ASB4: variants seen among roughly 807,000 people sequenced by gnomAD.
ASB4 encodes ankyrin repeat and SOCS box protein 4.
In ASB4, 35 loss-of-function variants were observed where a neutral mutation model predicts 38.6. That is an observed-to-expected ratio of 0.91 (90% CI 0.69 to 1.20). The LOEUF is 1.20. Ranked by LOEUF, ASB4 falls within the 50% of genes most tolerant of loss-of-function variation. The pLI, the probability that ASB4 is intolerant of heterozygous loss-of-function variation, is 0.00. For missense variants in ASB4, 557 were observed against 527.2 expected (o/e 1.06, Z -0.55); for synonymous variants, 195 against 201.3 (o/e 0.97, Z 0.26).
chr7:95,551,008 C>T, the ASB4 span, among the ~76,000 whole-genome samples: 1 of 152,142 alleles, frequency 6.6e-6, no homozygotes, highest in Admixed American at 6.5e-5. Flanking sequence ...AAATAAAAGT[C>T]TCGCTTTTGT....
At chr7:95,472,256 A>G in the ASB4 span, among the ~76,000 whole-genome samples, 2 of 152,178 alleles carry the variant, frequency 1.3e-5, no homozygotes, top group Non-Finnish European at 2.9e-5. Flanking sequence ...TGAAAGTGCC[A>G]TTTTTCAATG....
chr7:95,539,572 GT>G lies in ASB4; in HGVS notation c.*1814del, dbSNP rs1308124108. On this transcript the variant is annotated 3_prime_UTR_variant, in exon 5 of 5. Transcript: ENST00000325885. ...ACATCCTAAAACAGAATGAAATGAT[GT>G]CTTTTGCAGCAACTTGGATGGAGCT... 5.5e-4 allele frequency: 87 copies of G among 158,126 alleles called. 1 individual carries two copies. The highest frequency in any genetic ancestry group is 2.0e-3 in the African/African-American group (83 of 41,714). 9.8% of individuals were successfully genotyped at this position (158,126 alleles called of 1,614,324 possible).
intron 2 of ASB4, among the ~76,000 whole-genome samples, chr7:95,500,908 A>G (rs1323097996): frequency 6.6e-6 from 1 of 152,174 alleles, no homozygotes; most frequent in Non-Finnish European, 1.5e-5. Context: ...CCACTTAGGA[A>G]GGAAGCTACA....
intron 1 of ASB4, among the ~76,000 whole-genome samples, chr7:95,491,801 A>G (rs972345107): frequency 2.6e-5 from 4 of 152,316 alleles, no homozygotes; most frequent in African/African-American, 7.2e-5. Flanking sequence ...CTTGCTACAC[A>G]GTGACCTGTA....
At chr7:95,472,141 C>G in the ASB4 span, 1 of 152,044 alleles carries the variant, frequency 6.6e-6, no homozygotes, top group Admixed American at 6.6e-5. Flanking sequence ...TAGCTCATGC[C>G]ATTTTGATTA....
intron 1 of ASB4, among the ~76,000 whole-genome samples, chr7:95,488,744 C>T (rs1585794471): frequency 1.3e-5 from 2 of 152,148 alleles, no homozygotes; most frequent in East Asian, 3.9e-4. Flanking sequence ...CGCAAAAGTG[C>T]ATAAATAAGT....
At chr7:95,545,955 C>G in the ASB4 span, among the ~76,000 whole-genome samples, 1 of 152,190 alleles carries the variant, frequency 6.6e-6, no homozygotes, top group Admixed American at 6.5e-5. Context: ...TTGCTCCCTT[C>G]TGGAAAATCA....
At chr7:95,549,486 A>T in the ASB4 span, among the ~76,000 whole-genome samples, 1 of 151,576 alleles carries the variant, frequency 6.6e-6, no homozygotes, top group Non-Finnish European at 1.5e-5. Flanking sequence ...TTTAGTAGAG[A>T]CAGGGTTTCA....
At chr7:95,530,679 G>A (rs1790808566) in intron 3 of ASB4, among the ~76,000 whole-genome samples, 5 of 152,176 alleles carry the variant, frequency 3.3e-5, no homozygotes, top group Admixed American at 3.3e-4. Context: ...GTTGTTTGCA[G>A]ACCATATATG....
chr7:95,495,927 T>C lies in ASB4; in HGVS notation c.357T>C (p.Asn119=), dbSNP rs779517506. 8.1e-6 allele frequency: 13 copies of C among 1,614,010 alleles called. No homozygotes were observed. The highest frequency in any genetic ancestry group is 1.1e-5 in the Non-Finnish European group (13 of 1,180,030). ...TPLHVACEMA[N]VDCVKILCDR... is the part of the protein sequence containing the mutation. ...TTCACGTGGCTTGTGAAATGGCCAA[T>C]GTGGATTGTGTTAAGATCCTCTGTG... The change falls in exon 2 of 5, where the codon AAT becomes AAC. Residue 119 remains asparagine (N), a synonymous_variant. Transcript: ENST00000325885.
chr7:95,515,827 C>T lies in ASB4; in HGVS notation c.488-11986C>T, dbSNP rs141853071. Among the ~76,000 whole-genome samples the T allele has an allele frequency of 2.8e-3, 423 of 152,340 alleles. 1 individual carries two copies. Among genetic ancestry groups the T allele is most frequent in the South Asian group, 7.9e-3 (38 of 4,830 alleles). ...TGCTGGCTGCTCCAGAGATGGGCAC[C>T]ATCACCCTTGCTTTTGCTGCTGTTG... On this transcript the variant is annotated intron_variant, in intron 2 of 4. Transcript: ENST00000325885.
intron 2 of ASB4, among the ~76,000 whole-genome samples, chr7:95,513,490 TCGTTCTATGAAGAC>T (rs1227307927): frequency 5.3e-5 from 8 of 152,230 alleles, no homozygotes; most frequent in African/African-American, 1.9e-4. Flanking sequence ...AGGTTAGTCT[TCGTTCTATGAAGAC>T]TTTCAATGGA....
chr7:95,547,941 A>T, the ASB4 span, among the ~76,000 whole-genome samples: 1 of 152,204 alleles, frequency 6.6e-6, no homozygotes, highest in Non-Finnish European at 1.5e-5. Flanking sequence ...CCAATCTCTT[A>T]ACATATTTTT....
chr7:95,528,691 C>T (rs1247709720), intron 3 of ASB4: 1 of 1,089,528 alleles, frequency 9.2e-7, no homozygotes, highest in Non-Finnish European at 1.1e-6. Flanking sequence ...TTGAAATTAG[C>T]TTGTAGCCAT....
intron 1 of ASB4, 81 bp downstream of exon 1, chr7:95,486,239 A>AATAAAAACTACT: frequency 9.3e-7 from 1 of 1,074,168 alleles, no homozygotes; most frequent in Non-Finnish European, 1.3e-6. Context: ...CACTCTAAAC[A>AATAAAAACTACT]GTAGTTTTTA....
At chr7:95,506,619 T>C (rs1466821699) in intron 2 of ASB4, among the ~76,000 whole-genome samples, 2 of 152,152 alleles carry the variant, frequency 1.3e-5, no homozygotes, top group Non-Finnish European at 2.9e-5. Context: ...AGCTGGAAAA[T>C]TGAAAGCCAT....
the ASB4 span, among the ~76,000 whole-genome samples, chr7:95,549,062 A>G: frequency 6.6e-6 from 1 of 152,118 alleles, no homozygotes; most frequent in African/African-American, 2.4e-5. Context: ...CCTGTTTCTT[A>G]TGACAAAATT....
chr7:95,496,086 T>C, intron 2 of ASB4, 29 bp downstream of exon 2: 1 of 1,591,280 alleles, frequency 6.3e-7, no homozygotes, highest in Non-Finnish European at 8.6e-7. Flanking sequence ...CCAACATTGT[T>C]GTCTGCTTGT....
At chr7:95,528,849 A>G in intron 3 of ASB4, 1 of 370,522 alleles carries the variant, frequency 2.7e-6, no homozygotes, top group Non-Finnish European at 3.7e-6. Context: ...CGAGGTATAT[A>G]TTATTATTGT....
Sources: gnomAD v4.1 joint callset for allele counts (sites outside exome capture counted in the v4.1 genomes callset) on GRCh38, gnomAD v4.1.1 for gene constraint, MANE v1.5 for transcripts, NCBI Gene and HGNC (gene_info 2026-07-23, HGNC 2026-07-21) for gene names.